ZNF57: variants seen among roughly 807,000 people sequenced by gnomAD.
ZNF57 encodes zinc finger protein 424.
In ZNF57, 11 loss-of-function variants were observed where a neutral mutation model predicts 13.4. The ratio of observed to expected loss-of-function variants is 0.82; its 90% CI spans 0.52 to 1.36. ZNF57 has a LOEUF of 1.36. Among genes scored for constraint, ZNF57 ranks in the 40% most tolerant of loss-of-function variants. ZNF57 has a pLI of 0.00. For synonymous variants in ZNF57, 224 were observed against 238.5 expected, an observed-to-expected ratio of 0.94 and a Z score of 0.56; for missense variants, 696 against 667.5, an observed-to-expected ratio of 1.04 and a Z score of -0.47.
In ZNF57 at chr19:2,918,048, A is replaced by T. The variant is rs1384797179; in HGVS notation, c.1427A>T (p.Tyr476Phe). ...AGGATGCACACTGGAGAGAAGCCTT[A>T]TGAGTGTAAACAATGTGGAAAAACC... is the stretch of plus-strand genomic sequence containing the variant. ...HLRMHTGEKPYECKQCGKTFT... is the reference protein window; with the variant it reads ...HLRMHTGEKPFECKQCGKTFT... The change falls in exon 4 of 4, where the codon TAT (tyrosine) becomes TTT (phenylalanine). Residue 476 changes from tyrosine (Y) to phenylalanine (F), a missense_variant. Transcript: ENST00000306908. 1 of 1,614,230 alleles carries T rather than the reference A, an allele frequency of 6.2e-7. No homozygotes were observed. Among genetic ancestry groups the T allele is most frequent in the South Asian group, 1.1e-5 (1 of 91,092 alleles).
At position 2,917,772 on chromosome 19, in the gene ZNF57, G is replaced by A; in HGVS notation, c.1151G>A (p.Arg384Lys). 1.2e-6 allele frequency: 2 copies of A among 1,606,148 alleles called. No homozygotes were observed. Among genetic ancestry groups the A allele is most frequent in the Non-Finnish European group, 1.7e-6 (2 of 1,176,228 alleles). The change falls in exon 4 of 4, where the codon AGA (arginine) becomes AAA (lysine). Residue 384 changes from arginine (R) to lysine (K), a missense_variant. Arg to Lys is a conservative substitution (Grantham distance 26). Transcript: ENST00000306908. ...TCCTCAACGTTTAGAGAACATGTGA[G>A]AATTCACACGCAAGAGCAGCTCTAT... ...TWSSTFREHV[R>K]IHTQEQLYKC...
In ZNF57 at chr19:2,918,261, T is replaced by C. The variant is rs563809424; in HGVS notation, c.1640T>C (p.Leu547Pro). Residue 547 changes from leucine to proline, a missense_variant, in exon 4 of 4, where the codon CTT (leucine) becomes CCT (proline). Physicochemically the swap from Leu to Pro is moderately conservative, Grantham distance 98. Transcript: ENST00000306908. ...YSKAFSCQVI[L>P]SKTSESTH ...AAAGCCTTCAGTTGCCAAGTCATTC[T>C]TTCTAAAACCAGTGAGAGCACACAC... is the stretch of plus-strand genomic sequence containing the variant. 6.2e-7 allele frequency: 1 copy of C among 1,610,516 alleles called. No individual in the cohort carries two copies. Among genetic ancestry groups the C allele is most frequent in the East Asian group, 2.2e-5 (1 of 44,854 alleles).
intron 1 of ZNF57, among the ~76,000 whole-genome samples, chr19:2,907,353 C>A (rs537576177): frequency 6.6e-6 from 1 of 152,106 alleles, no homozygotes; most frequent in East Asian, 1.9e-4. Flanking sequence ...CTGGAAAGTT[C>A]TGCAGCAGGC....
At chr19:2,910,875 T>G (rs2088127383) in intron 1 of ZNF57, among the ~76,000 whole-genome samples, 1 of 148,572 alleles carries the variant, frequency 6.7e-6, no homozygotes. Flanking sequence ...ATGACGGGCG[T>G]GAGCCACCGG....
chr19:2,917,842 C>G lies in ZNF57; in HGVS notation c.1221C>G (p.Phe407Leu), dbSNP rs766479303. 2 of 1,610,870 alleles carry G rather than the reference C, an allele frequency of 1.2e-6. No homozygotes were observed. The highest frequency in any genetic ancestry group is 1.1e-5 in the South Asian group (1 of 90,646). Residue 407 changes from phenylalanine to leucine, a missense_variant, in exon 4 of 4, where the codon TTC becomes TTG. Phe to Leu is a conservative substitution (Grantham distance 22, BLOSUM62 0). Around this residue, in one of 3 missense-constraint regions of ZNF57, gnomAD observed 645 missense variants for 591.5 expected, o/e 1.09. Transcript: ENST00000306908. ...AGGCTTTTACCTCTTCCAGATCATT[C>G]CGAGGTCATTTGAGGACGCACACTG... ...CGKAFTSSRS[F>L]RGHLRTHTGE...
At chr19:2,906,245 G>C (rs889853862) in intron 1 of ZNF57, among the ~76,000 whole-genome samples, 6 of 152,084 alleles carry the variant, frequency 3.9e-5, no homozygotes, top group Admixed American at 2.6e-4. Flanking sequence ...ATAGAGCTGG[G>C]GTCTTGCTGT....
chr19:2,917,171 C>A lies in ZNF57; in HGVS notation c.550C>A (p.His184Asn). ...KQACICPSHL[H>N]SHGRTDTEEK... ...GGCCTGCATTTGTCCCTCACACCTA[C>A]ACAGTCACGGAAGAACTGACACTGA... Residue 184 changes from histidine (H) to asparagine (N), a missense_variant, in exon 4 of 4, where the codon CAC (histidine) becomes AAC (asparagine). Physicochemically the swap from His to Asn is moderately conservative, Grantham distance 68. Transcript: ENST00000306908. 9.9e-6 allele frequency: 16 copies of A among 1,614,206 alleles called. No homozygotes were observed. Among genetic ancestry groups the A allele is most frequent in the Non-Finnish European group, 1.3e-5 (15 of 1,180,034 alleles).
intron 1 of ZNF57, among the ~76,000 whole-genome samples, chr19:2,911,190 G>A (rs4807360): frequency 0.43 from 64,963 of 151,664 alleles, 14,515 homozygotes; most frequent in East Asian, 0.63. Context: ...AGCTTCCCAA[G>A]TAGCTAGGAC....
chr19:2,912,343 G>A (rs568086349), intron 1 of ZNF57: 6 of 152,340 alleles, frequency 3.9e-5, no homozygotes, highest in South Asian at 2.1e-4. Context: ...AGAAAGAGCA[G>A]AAATATCTAG....
rs1038648037 is a variant in ZNF57 at position 2,918,102 on chromosome 19, A to G, written c.1481A>G (p.His494Arg). The stretch of plus-strand genomic sequence containing the variant: ...ACTTGGTCCTCAACCTTACATAATC[A>G]TGTGAGGATGCACACTGGAGAGAAA... ...TFTWSSTLHN[H>R]VRMHTGEKPH... The change falls in exon 4 of 4, where the codon CAT becomes CGT. Residue 494 changes from histidine to arginine, a missense_variant. His to Arg is a conservative substitution (Grantham distance 29). Coordinates refer to ENST00000306908, the MANE Select transcript of ZNF57 (RefSeq NM_173480.3). 2 of 1,614,116 alleles carry G rather than the reference A, an allele frequency of 1.2e-6. No individual in the cohort carries two copies. Among genetic ancestry groups the G allele is most frequent in the African/African-American group, 2.7e-5 (2 of 74,952 alleles).
intron 1 of ZNF57, among the ~76,000 whole-genome samples, chr19:2,912,897 A>G (rs2088152543): frequency 6.6e-6 from 1 of 152,026 alleles, no homozygotes; most frequent in South Asian, 2.1e-4. Context: ...CATTTCTTTG[A>G]TGACTAATTA....
intron 1 of ZNF57, among the ~76,000 whole-genome samples, chr19:2,904,080 CT>C (rs1272584811): frequency 6.6e-6 from 1 of 152,172 alleles, no homozygotes; most frequent in African/African-American, 2.4e-5. Flanking sequence ...CCAGGCTAGT[CT>C]CAAACTCCTG....
chr19:2,917,560 T>C lies in ZNF57; in HGVS notation c.939T>C (p.Cys313=), dbSNP rs2088218820. 6.2e-7 allele frequency: 1 copy of C among 1,613,920 alleles called. No individual in the cohort carries two copies. The highest frequency in any genetic ancestry group is 8.5e-7 in the Non-Finnish European group (1 of 1,179,958). Residue 313 remains cysteine, a synonymous_variant, in exon 4 of 4, where the codon TGT becomes TGC. Transcript: ENST00000306908. ...TGEKPYECKQ[C]GKTFSWSETL... ...AGAAGCCCTATGAATGCAAGCAGTG[T>C]GGGAAAACATTCAGTTGGTCTGAAA...
Position 2,915,503 on chromosome 19 carries a change from C to T in ZNF57, c.4-19C>T, listed in dbSNP as rs375776350. Reference sequence around the variant, plus strand: ...TCAGTGTCTCCAATCCTCCTGCACACCTGTGTGGTTTGTCTTAGGACTCAG... The same window carrying T: ...TCAGTGTCTCCAATCCTCCTGCACATCTGTGTGGTTTGTCTTAGGACTCAG... On this transcript the variant is annotated intron_variant, in intron 1 of 3. Coordinates refer to ENST00000306908, the MANE Select transcript of ZNF57 (RefSeq NM_173480.3). 27 of 1,612,544 alleles carry T rather than the reference C, an allele frequency of 1.7e-5. No individual in the cohort carries two copies. The highest frequency in any genetic ancestry group is 2.2e-5 in the Non-Finnish European group (26 of 1,179,076).
chr19:2,902,486 T>C (rs979652543), intron 1 of ZNF57, among the ~76,000 whole-genome samples: 1 of 152,064 alleles, frequency 6.6e-6, no homozygotes, highest in African/African-American at 2.4e-5. Context: ...CCACCAGAAT[T>C]GTAGAGAAAG....
At chr19:2,906,727 G>A (rs988218099) in intron 1 of ZNF57, among the ~76,000 whole-genome samples, 1 of 152,198 alleles carries the variant, frequency 6.6e-6, no homozygotes, top group African/African-American at 2.4e-5. Context: ...TCCGTGTTGT[G>A]TGCGCACAAG....
intron 1 of ZNF57, among the ~76,000 whole-genome samples, chr19:2,904,692 C>G (rs906461253): frequency 7.2e-5 from 11 of 152,096 alleles, no homozygotes; most frequent in Admixed American, 2.6e-4. Context: ...CAGGCATGTG[C>G]CACCAAGCCT....
Position 2,905,658 on chromosome 19 carries a change from G to A in ZNF57, c.3+4610G>A, listed in dbSNP as rs375329213. Among the ~76,000 whole-genome samples the A allele has an allele frequency of 3.4e-4, 51 of 151,410 alleles. No homozygotes were observed. In the South Asian group the frequency reaches 9.8e-3, roughly 29 times the overall value. On this transcript the variant is annotated intron_variant, in intron 1 of 3. Transcript: ENST00000306908. ...TGGGCGCCTGTAGTCCCAGCTACTC[G>A]GGAGGCTGAGGCTGGAGAATGGCGT...
In ZNF57 at chr19:2,905,045, C is replaced by G. The variant is rs576472099; in HGVS notation, c.3+3997C>G. Reference sequence around the variant, plus strand: ...CTCTCCTTGCCCAGGTGTTAAACTGCCCCTCGTTTCCAGCATTGTTGCAAC... The same window carrying G: ...CTCTCCTTGCCCAGGTGTTAAACTGGCCCTCGTTTCCAGCATTGTTGCAAC... On this transcript the variant is annotated intron_variant, in intron 1 of 3. Transcript: ENST00000306908. 4.6e-5 allele frequency among the ~76,000 whole-genome samples: 7 copies of G among 152,308 alleles called. No homozygotes were observed. In the South Asian group the frequency reaches 1.4e-3, roughly 32 times the overall value.
Sources: gnomAD v4.1 joint callset for allele counts (sites outside exome capture counted in the v4.1 genomes callset) on GRCh38, gnomAD v4.1.1 for gene constraint, gnomAD v4.1.1 regional missense constraint, MANE v1.5 for transcripts, NCBI Gene and HGNC (gene_info 2026-07-23, HGNC 2026-07-21) for gene names.